RCBTB2: variants seen among roughly 807,000 people sequenced by gnomAD.
RCBTB2 encodes RCC1 and BTB domain containing protein 2, also known as RCC1 and BTB domain-containing protein 2.
Under a neutral mutation model 65.4 loss-of-function variants are expected in RCBTB2, and 55 were observed. The observed-to-expected ratio is 0.84, with a 90% CI of 0.68 to 1.05. The LOEUF (loss-of-function observed/expected upper bound fraction) is 1.05, where lower values mean the gene tolerates loss of function less well. RCBTB2 is among the 50% of genes least tolerant of loss of function. The pLI, the probability that RCBTB2 is intolerant of heterozygous loss-of-function variation, is 0.00. For missense variants in RCBTB2, 599 were observed against 680.1 expected, an observed-to-expected ratio of 0.88 and a Z score of 1.33; for synonymous variants, 220 against 255.2, an observed-to-expected ratio of 0.86 and a Z score of 1.31.
At chr13:48,492,462 CTTTT>C (rs1949736604) in intron 14 of RCBTB2, 2 of 152,222 alleles carry the variant, frequency 1.3e-5, no homozygotes, top group African/African-American at 2.4e-5. Flanking sequence ...AAAGCTCTTC[CTTTT>C]TATCTTTATA....
Position 48,489,762 on chromosome 13 carries a change from T to C in RCBTB2, c.*349A>G. The stretch of plus-strand genomic sequence containing the variant: ...ACAGCACTCCTTGTCAAGCTATCTA[T>C]GTGGTATCAGCCAGCTGAATAATGG... On this transcript the variant is annotated 3_prime_UTR_variant, in exon 15 of 15. Coordinates refer to ENST00000344532, the MANE Select transcript of RCBTB2 (RefSeq NM_001268.4). The C allele has an allele frequency of 3.4e-6, 1 of 293,386 alleles. No homozygotes were observed. The highest frequency in any genetic ancestry group is 6.5e-6 in the Non-Finnish European group (1 of 152,910). 18.2% of individuals were successfully genotyped at this position (293,386 alleles called of 1,614,324 possible).
rs1477426365 is a variant in RCBTB2 at position 48,501,828 on chromosome 13, C to T, written c.1158G>A (p.Arg386=). ...DHLTVAESLK[R]EFDNPDTADL... is the part of the protein sequence containing the mutation. The stretch of plus-strand genomic sequence containing the variant: ...CTGCAGTGTCCGGGTTGTCAAATTC[C>T]CTCTTCAGTGACTCAGCCACTGTGA... The change falls in exon 12 of 15, where the codon AGG becomes AGA. Residue 386 remains arginine (R), a synonymous_variant. Transcript: ENST00000344532. The T allele has an allele frequency of 4.3e-6, 7 of 1,613,758 alleles. No homozygotes were observed. The highest frequency in any genetic ancestry group is 5.9e-6 in the Non-Finnish European group (7 of 1,179,816).
At chr13:48,498,793 G>T (rs1950091968) in intron 13 of RCBTB2, among the ~76,000 whole-genome samples, 1 of 151,792 alleles carries the variant, frequency 6.6e-6, no homozygotes, top group African/African-American at 2.4e-5. Context: ...GACTTTCAAA[G>T]TCCAGAGCAA....
chr13:48,512,811 A>C lies in RCBTB2; in HGVS notation c.434T>G (p.Ile145Ser). ...TTGTTTGTTTGACAGATTAGTAGAGATATGACAGGGCACTAAACCATGATT... is the reference window on the plus strand; with the variant it reads ...TTGTTTGTTTGACAGATTAGTAGAGCTATGACAGGGCACTAAACCATGATT... ...TTNHGLVPCH[I>S]STNLSNKQVI... The change falls in exon 7 of 15, where the codon ATC (isoleucine) becomes AGC (serine). Residue 145 changes from isoleucine (I) to serine (S), a missense_variant. Coordinates refer to ENST00000344532, the MANE Select transcript of RCBTB2 (RefSeq NM_001268.4). The C allele has an allele frequency of 6.2e-7, 1 of 1,614,020 alleles. No individual in the cohort carries two copies. Among genetic ancestry groups the C allele is most frequent in the South Asian group, 1.1e-5 (1 of 91,074 alleles).
At chr13:48,517,017 T>C (rs1207111898) in intron 4 of RCBTB2, among the ~76,000 whole-genome samples, 1 of 152,250 alleles carries the variant, frequency 6.6e-6, no homozygotes, top group East Asian at 1.9e-4. Context: ...TTACCGGGAA[T>C]GTGGTCTGGT....
At chr13:48,522,236 T>C in intron 3 of RCBTB2, 72 bp downstream of exon 3, 1 of 1,030,266 alleles carries the variant, frequency 9.7e-7, no homozygotes, top group Non-Finnish European at 1.5e-6. Flanking sequence ...TCCTTAACTC[T>C]ATAAAGGAAA....
chr13:48,515,818 G>A (rs544265967), intron 4 of RCBTB2, 77 bp from the exon 5 acceptor site: 12 of 1,408,578 alleles, frequency 8.5e-6, no homozygotes, highest in East Asian at 2.4e-5. Context: ...CTGTAGAAGA[G>A]GGCGAACACT....
chr13:48,508,212 G>T (rs1035299769), intron 10 of RCBTB2, among the ~76,000 whole-genome samples: 1 of 152,156 alleles, frequency 6.6e-6, no homozygotes, highest in Non-Finnish European at 1.5e-5. Flanking sequence ...GATAAGTTAT[G>T]ACATATACTT....
At chr13:48,513,887 C>G (rs1950940817) in intron 6 of RCBTB2, among the ~76,000 whole-genome samples, 1 of 152,168 alleles carries the variant, frequency 6.6e-6, no homozygotes, top group African/African-American at 2.4e-5. Flanking sequence ...TTCTAAGACT[C>G]TCGTACTGAA....
chr13:48,529,920 T>G (rs1226382964), intron 1 of RCBTB2, among the ~76,000 whole-genome samples: 1 of 152,150 alleles, frequency 6.6e-6, no homozygotes, highest in Non-Finnish European at 1.5e-5. Flanking sequence ...AGATGGGGTC[T>G]TACACTATTG....
At chr13:48,526,838 C>T (rs1031142761) in intron 1 of RCBTB2, among the ~76,000 whole-genome samples, 9 of 152,174 alleles carry the variant, frequency 5.9e-5, no homozygotes, top group African/African-American at 1.9e-4. Flanking sequence ...ATCACTTGAA[C>T]TTGGGAGGCA....
intron 10 of RCBTB2, among the ~76,000 whole-genome samples, chr13:48,509,366 C>T (rs1273914823): frequency 2.6e-5 from 4 of 152,132 alleles, no homozygotes; most frequent in South Asian, 2.1e-4. Flanking sequence ...ACAAATCCAT[C>T]GTTTTTATTT....
In RCBTB2 at chr13:48,496,208, C is replaced by T; in HGVS notation, c.1498G>A (p.Val500Met). The change falls in exon 14 of 15, where the codon GTG (valine) becomes ATG (methionine). Residue 500 changes from valine to methionine, a missense_variant. By Grantham distance (21) the Val-to-Met change is conservative. Coordinates refer to ENST00000344532, the MANE Select transcript of RCBTB2 (RefSeq NM_001268.4). ...TTCCTTACCTGTGCATCATACTTCA[C>T]CGCAGCCGAGAGCAGAGCGATGGCA... The part of the protein sequence containing the change: ...ENAIALLSAA[V>M]KYDAQDLEEF... The T allele has an allele frequency of 2.0e-6, 3 of 1,537,838 alleles. No homozygotes were observed. The highest frequency in any genetic ancestry group is 1.2e-5 in the South Asian group (1 of 81,526).
In RCBTB2 at chr13:48,522,290, G is replaced by C. The variant is rs187066325; in HGVS notation, c.-24+18C>G. On this transcript the variant is annotated intron_variant, in intron 3 of 14. Transcript: ENST00000344532. ...TTCAGAGTTGACTTCCTGTGATAAGGAAAAATAAATTTTAGACCTTTGTCA... is the reference window on the plus strand; with the variant it reads ...TTCAGAGTTGACTTCCTGTGATAAGCAAAAATAAATTTTAGACCTTTGTCA... 7.5e-5 allele frequency: 111 copies of C among 1,471,904 alleles called. No individual in the cohort carries two copies. The African/African-American group carries it at 1.3e-3, about 18-fold the overall frequency. 91.2% of individuals were successfully genotyped at this position (1,471,904 alleles called of 1,614,324 possible).
intron 10 of RCBTB2, among the ~76,000 whole-genome samples, chr13:48,508,631 T>C (rs1395193191): frequency 1.3e-5 from 2 of 152,198 alleles, no homozygotes. Flanking sequence ...CTCAAACTCC[T>C]GACCTCAGGT....
chr13:48,505,141 C>T (rs11861), intron 10 of RCBTB2, among the ~76,000 whole-genome samples: 1 of 151,066 alleles, frequency 6.6e-6, no homozygotes, highest in Non-Finnish European at 1.5e-5. Flanking sequence ...GTGACTAGCA[C>T]TAGGCTGCGT....
rs1373012253 is a variant in RCBTB2 at position 48,488,981 on chromosome 13, A to C, written c.*1130T>G. The C allele has an allele frequency of 1.3e-5, 2 of 152,218 alleles. No homozygotes were observed. Among genetic ancestry groups the C allele is most frequent in the Non-Finnish European group, 2.9e-5 (2 of 68,048 alleles). The allele number at this position is 152,218 out of a possible 1,614,324, so 9.4% of individuals were successfully genotyped here. On this transcript the variant is annotated 3_prime_UTR_variant, in exon 15 of 15. Transcript: ENST00000344532. ...ACATTTGTTCTGTTATCTGCAAATA[A>C]GCACTTTATTACCAAATAGTTCAGC...
intron 14 of RCBTB2, among the ~76,000 whole-genome samples, chr13:48,493,340 C>CTCTCTCTCTCTCT (rs756141334): frequency 7.7e-4 from 95 of 123,678 alleles, no homozygotes; most frequent in Non-Finnish European, 1.4e-3. Flanking sequence ...CTCTCTCTCT[C>CTCTCTCTCTCTCT]TTCTCTTCTC....
chr13:48,527,750 G>A (rs921808458), intron 1 of RCBTB2, among the ~76,000 whole-genome samples: 1 of 152,076 alleles, frequency 6.6e-6, no homozygotes, highest in Non-Finnish European at 1.5e-5. Context: ...CCTGTTTGGG[G>A]CAGATAACTC....
Sources: gnomAD v4.1 joint callset for allele counts (sites outside exome capture counted in the v4.1 genomes callset) on GRCh38, gnomAD v4.1.1 for gene constraint, MANE v1.5 for transcripts, NCBI Gene and HGNC (gene_info 2026-07-23, HGNC 2026-07-21) for gene names.